The following CEP112 variants were observed in gnomAD, a reference collection of about 807,000 sequenced individuals.
The protein encoded by CEP112 is centrosomal protein 112.
In CEP112, 127 loss-of-function variants were observed where a neutral mutation model predicts 153.0. That is an observed-to-expected ratio of 0.83 (90% confidence interval 0.72 to 0.96). The LOEUF (loss-of-function observed/expected upper bound fraction) is 0.96, where lower values mean the gene tolerates loss of function less well. CEP112 is among the 40% of genes least tolerant of loss of function. CEP112 has a pLI of 0.00. For missense variants in CEP112, 1,089 were observed against 1,101.2 expected (o/e 0.99, Z 0.16); for synonymous variants, 358 against 374.4 (o/e 0.96, Z 0.51).
At chr17:65,894,916 A>G (rs2143311091) in intron 20 of CEP112, among the ~76,000 whole-genome samples, 1 of 152,254 alleles carries the variant, frequency 6.6e-6, no homozygotes, top group South Asian at 2.1e-4. Context: ...AGACATAGTC[A>G]TGGCTTGTGG....
At chr17:66,172,580 C>CA (rs1222015401) in intron 4 of CEP112, among the ~76,000 whole-genome samples, 1 of 152,098 alleles carries the variant, frequency 6.6e-6, no homozygotes, top group Non-Finnish European at 1.5e-5. Flanking sequence ...TTCCATTTCT[C>CA]AAAAAAGTCA....
intron 17 of CEP112, among the ~76,000 whole-genome samples, chr17:66,002,734 T>G (rs1267794779): frequency 3.3e-5 from 5 of 152,194 alleles, no homozygotes; most frequent in African/African-American, 1.2e-4. Flanking sequence ...TAAATTCATA[T>G]TTATATATCC....
intron 16 of CEP112, among the ~76,000 whole-genome samples, chr17:66,025,959 ATATATAGAC>A (rs2065189117): frequency 8.4e-6 from 1 of 119,006 alleles, no homozygotes; most frequent in African/African-American, 3.3e-5. Flanking sequence ...ATATATAGAT[ATATATAGAC>A]CACACACACA....
chr17:66,154,155 G>A (rs1271421790), intron 4 of CEP112, among the ~76,000 whole-genome samples: 1 of 151,520 alleles, frequency 6.6e-6, no homozygotes, highest in East Asian at 1.9e-4. Context: ...CTCCAGCCTA[G>A]CAACAGAGTG....
intron 23 of CEP112, among the ~76,000 whole-genome samples, chr17:65,716,145 TTTTC>T (rs200595876): frequency 0.012 from 1,540 of 131,756 alleles, 31 homozygotes; most frequent in African/African-American, 0.046. Context: ...GCCCTACTCT[TTTTC>T]TTTCTTTGTT....
intron 19 of CEP112, among the ~76,000 whole-genome samples, chr17:65,916,449 T>C (rs991830519): frequency 6.6e-5 from 10 of 152,150 alleles, no homozygotes; most frequent in African/African-American, 2.4e-4. Flanking sequence ...TAATGAATGA[T>C]TGAGAAGGCA....
At chr17:66,021,167 T>C (rs949822725) in intron 16 of CEP112, among the ~76,000 whole-genome samples, 11 of 152,134 alleles carry the variant, frequency 7.2e-5, no homozygotes. Context: ...ACCCCAGGCA[T>C]TGTCCCAGAC....
intron 24 of CEP112, among the ~76,000 whole-genome samples, chr17:65,652,848 G>A (rs2045857607): frequency 6.6e-6 from 1 of 152,164 alleles, no homozygotes; most frequent in Admixed American, 6.5e-5. Flanking sequence ...AAATACCATA[G>A]ATTGAGCAGA....
chr17:65,748,509 T>C (rs956746352), intron 22 of CEP112, among the ~76,000 whole-genome samples: 17 of 152,216 alleles, frequency 1.1e-4, no homozygotes, highest in Non-Finnish European at 8.8e-5. Flanking sequence ...TTTTCATTCT[T>C]CCCTGCCTCC....
At position 66,067,578 on chromosome 17, in the gene CEP112, CATA is replaced by C. The variant is rs140137299; in HGVS notation, c.856-704_856-702del. Reference sequence around the variant, plus strand: ...ACCAATCATATAACTTTTCAATGAGCATAATATTTTTGTAAGTCTATCTCAGCT... The same window carrying C: ...ACCAATCATATAACTTTTCAATGAGCATATTTTTGTAAGTCTATCTCAGCT... On this transcript the variant is annotated intron_variant, in intron 9 of 26. Transcript: ENST00000535342. 5.4e-3 allele frequency among the ~76,000 whole-genome samples: 815 copies of C among 152,176 alleles called. 7 individuals are homozygous for C. The highest frequency in any genetic ancestry group is 0.019 in the African/African-American group (782 of 41,512).
chr17:65,898,334 T>C (rs930952112), intron 20 of CEP112, among the ~76,000 whole-genome samples: 1 of 152,104 alleles, frequency 6.6e-6, no homozygotes, highest in Non-Finnish European at 1.5e-5. Flanking sequence ...ACTCAGTTTA[T>C]AAATGGAGAT....
intron 17 of CEP112, among the ~76,000 whole-genome samples, chr17:65,979,919 G>A (rs914650307): frequency 3.3e-5 from 5 of 151,998 alleles, no homozygotes; most frequent in African/African-American, 1.2e-4. Flanking sequence ...AGTTTCAAAC[G>A]CTATCACCAT....
chr17:65,886,508 T>C (rs2059283215), intron 20 of CEP112, among the ~76,000 whole-genome samples: 1 of 152,204 alleles, frequency 6.6e-6, no homozygotes, highest in Non-Finnish European at 1.5e-5. Flanking sequence ...CACATTCTTT[T>C]AGAGCTAGAT....
At chr17:65,787,215 C>T (rs1026387797) in intron 21 of CEP112, among the ~76,000 whole-genome samples, 2 of 152,170 alleles carry the variant, frequency 1.3e-5, no homozygotes, top group Admixed American at 6.5e-5. Flanking sequence ...CACAGTGGCT[C>T]ACACCTGTAA....
intron 23 of CEP112, among the ~76,000 whole-genome samples, chr17:65,715,543 T>C (rs2049458246): frequency 1.3e-5 from 2 of 150,856 alleles, no homozygotes; most frequent in Admixed American, 1.3e-4. Flanking sequence ...CTCCACCTCC[T>C]GGGTTCATGC....
chr17:65,709,530 G>A (rs1378062800), intron 23 of CEP112, among the ~76,000 whole-genome samples: 1 of 152,142 alleles, frequency 6.6e-6, no homozygotes, highest in African/African-American at 2.4e-5. Flanking sequence ...GAACCGTATG[G>A]GGGAACTGCC....
intron 4 of CEP112, among the ~76,000 whole-genome samples, chr17:66,138,534 G>A (rs1475792411): frequency 6.6e-6 from 1 of 152,146 alleles, no homozygotes; most frequent in African/African-American, 2.4e-5. Flanking sequence ...AATGAATACA[G>A]AATATTAAAA....
intron 23 of CEP112, 58 bp from the exon 24 acceptor site, chr17:65,689,276 C>CATGGTGTAGAACTAT: frequency 1.6e-6 from 2 of 1,281,094 alleles, no homozygotes; most frequent in Non-Finnish European, 2.3e-6. Context: ...AAAAATAGTT[C>CATGGTGTAGAACTAT]TACACCATGA....
intron 21 of CEP112, among the ~76,000 whole-genome samples, chr17:65,838,972 G>C (rs907000660): frequency 6.6e-6 from 1 of 151,992 alleles, no homozygotes; most frequent in Non-Finnish European, 1.5e-5. Flanking sequence ...TAGAAAACCA[G>C]AACAGACCAG....
Sources: allele counts gnomAD v4.1 joint callset (sites outside exome capture counted in the v4.1 genomes callset), GRCh38; gene constraint gnomAD v4.1.1; transcripts MANE v1.5; gene names NCBI Gene and HGNC (gene_info 2026-07-23, HGNC 2026-07-21).